The following RASSF5 variants were observed in gnomAD, a reference collection of about 807,000 sequenced individuals.
RASSF5 encodes Ras association domain family member 5.
Under a neutral mutation model 40.5 loss-of-function variants are expected in RASSF5, and 25 were observed. The observed-to-expected ratio is 0.62, with a 90% CI of 0.45 to 0.86. The LOEUF is 0.86. RASSF5 is among the 40% of genes least tolerant of loss of function. The pLI, the probability that RASSF5 is intolerant of heterozygous loss-of-function variation, is 0.00. For missense variants in RASSF5, 521 were observed against 572.8 expected (o/e 0.91, Z 0.92); for synonymous variants, 246 against 252.4 (o/e 0.97, Z 0.24).
At chr1:206,580,549 G>T (rs1453087723) in intron 2 of RASSF5, 2 of 152,210 alleles carry the variant, frequency 1.3e-5, no homozygotes, top group Admixed American at 6.5e-5. Context: ...TGCTCAGCTG[G>T]CAAGGACTGA....
chr1:206,523,943 T>TATATAATATATATACC (rs1558498510), intron 1 of RASSF5, among the ~76,000 whole-genome samples: 3 of 115,738 alleles, frequency 2.6e-5, no homozygotes, highest in African/African-American at 1.1e-4. Flanking sequence ...TAATATATTT[T>TATATAATATATATACC]ATATATAATA....
chr1:206,516,217 T>C (rs1553395372), intron 1 of RASSF5, among the ~76,000 whole-genome samples: 1 of 152,172 alleles, frequency 6.6e-6, no homozygotes, highest in African/African-American at 2.4e-5. Flanking sequence ...TGTCTCTAGG[T>C]AGTGCTCCTC....
intron 2 of RASSF5, among the ~76,000 whole-genome samples, chr1:206,576,513 C>T (rs545211081): frequency 6.6e-6 from 1 of 152,244 alleles, no homozygotes. Context: ...GTTACAAAGG[C>T]CCATTAACTG....
intron 4 of RASSF5, 38 bp from the exon 5 acceptor site, chr1:206,585,142 T>A (rs782757989): frequency 2.6e-6 from 4 of 1,534,856 alleles, no homozygotes; most frequent in Non-Finnish European, 3.6e-6. Context: ...GCCCTTCTTT[T>A]CTGGGAAGAG....
In RASSF5 at chr1:206,579,667, A is replaced by T. The variant is rs1668793260; in HGVS notation, c.580-3602A>T. 6.6e-6 allele frequency among the ~76,000 whole-genome samples: 1 copy of T among 151,648 alleles called. No individual in the cohort carries two copies. The highest frequency in any genetic ancestry group is 2.1e-4 in the South Asian group (1 of 4,834). On this transcript the variant is annotated intron_variant, in intron 2 of 5. Transcript: ENST00000579436. The surrounding 1 kb of genome is among the most constrained non-coding windows in gnomAD (Gnocchi z 4.2). ...AATTAAAATCAACTAGGAGATTTTTAAAATTCCCATGCCCAGACTGCACCC... is the reference window on the plus strand; with the variant it reads ...AATTAAAATCAACTAGGAGATTTTTTAAATTCCCATGCCCAGACTGCACCC...
At chr1:206,565,066 ATACCT>A (rs1668248371) in intron 2 of RASSF5, among the ~76,000 whole-genome samples, 1 of 152,062 alleles carries the variant, frequency 6.6e-6, no homozygotes, top group African/African-American at 2.4e-5. Flanking sequence ...GAGGTCTCAG[ATACCT>A]TAAATTTAGT....
At chr1:206,520,691 G>T (rs1192256898) in intron 1 of RASSF5, among the ~76,000 whole-genome samples, 4 of 151,864 alleles carry the variant, frequency 2.6e-5, no homozygotes, top group African/African-American at 9.7e-5. Context: ...CTTTCTGGCT[G>T]TGGCTCCTCC....
chr1:206,558,853 G>A (rs1668067564), intron 2 of RASSF5, among the ~76,000 whole-genome samples: 2 of 152,112 alleles, frequency 1.3e-5, no homozygotes, highest in Non-Finnish European at 2.9e-5. Context: ...AGAGGGTGAG[G>A]GGCAAAGGGA....
chr1:206,562,369 TA>T, intron 2 of RASSF5, among the ~76,000 whole-genome samples: 1 of 152,310 alleles, frequency 6.6e-6, no homozygotes, highest in East Asian at 1.9e-4. Flanking sequence ...ATTTCAGCAA[TA>T]AAAATAAAAC....
chr1:206,529,254 C>T, intron 1 of RASSF5: 1 of 1,192,700 alleles, frequency 8.4e-7, no homozygotes, highest in Non-Finnish European at 1.2e-6. Context: ...GCCGTTGGCC[C>T]AGGCTGAGAA....
At chr1:206,556,629 T>C (rs1455118084) in intron 2 of RASSF5, among the ~76,000 whole-genome samples, 2 of 152,134 alleles carry the variant, frequency 1.3e-5, no homozygotes, top group East Asian at 3.8e-4. Flanking sequence ...GAGGGCCAAG[T>C]TCTATGGGTG....
intron 2 of RASSF5, chr1:206,557,218 G>T: frequency 9.4e-7 from 1 of 1,066,842 alleles, no homozygotes; most frequent in Non-Finnish European, 1.1e-6. Flanking sequence ...GAGGTGCGGA[G>T]ATGGCGCTCT....
chr1:206,517,008 G>C (rs567333086), intron 1 of RASSF5, among the ~76,000 whole-genome samples: 1 of 152,132 alleles, frequency 6.6e-6, no homozygotes, highest in Non-Finnish European at 1.5e-5. Flanking sequence ...ACTAGAGAGG[G>C]CCACAACAAA....
intron 2 of RASSF5, among the ~76,000 whole-genome samples, chr1:206,565,496 T>C (rs1330116917): frequency 6.6e-6 from 1 of 152,208 alleles, no homozygotes; most frequent in Non-Finnish European, 1.5e-5. Flanking sequence ...AACTTTCCTA[T>C]AGCACTGAGC....
chr1:206,517,311 C>CA (rs1181818421), intron 1 of RASSF5, among the ~76,000 whole-genome samples: 3 of 152,030 alleles, frequency 2.0e-5, no homozygotes, highest in Non-Finnish European at 4.4e-5. Context: ...CCCACCTCTA[C>CA]AAAAAATATA....
At chr1:206,524,026 T>C (rs1667015418) in intron 1 of RASSF5, among the ~76,000 whole-genome samples, 1 of 120,968 alleles carries the variant, frequency 8.3e-6, no homozygotes, top group Non-Finnish European at 1.6e-5. Flanking sequence ...ATAATAGGTA[T>C]ACCATATATA....
At chr1:206,569,545 C>T (rs576603121) in intron 2 of RASSF5, among the ~76,000 whole-genome samples, 10 of 152,346 alleles carry the variant, frequency 6.6e-5, no homozygotes, top group South Asian at 4.1e-4. Context: ...TGCAAATTTC[C>T]CCCACAAAGG....
chr1:206,548,626 G>A (rs1047853454), intron 2 of RASSF5, among the ~76,000 whole-genome samples: 1 of 152,198 alleles, frequency 6.6e-6, no homozygotes, highest in South Asian at 2.1e-4. Context: ...TGGTTACAAT[G>A]TGCCTTTTGT....
chr1:206,521,288 C>G (rs1399095567), intron 1 of RASSF5, among the ~76,000 whole-genome samples: 3 of 152,196 alleles, frequency 2.0e-5, no homozygotes, highest in Admixed American at 2.0e-4. Flanking sequence ...GGTCCTCTGA[C>G]ATAATCTATT....
Sources: allele counts gnomAD v4.1 joint callset (sites outside exome capture counted in the v4.1 genomes callset), GRCh38; gene constraint gnomAD v4.1.1; non-coding constraint Gnocchi (gnomAD v3.1); transcripts MANE v1.5; gene names NCBI Gene and HGNC (gene_info 2026-07-23, HGNC 2026-07-21).